The following SPOCK1 variants were observed in gnomAD, a reference collection of about 807,000 sequenced individuals.
The protein encoded by SPOCK1 is SPARC (osteonectin), cwcv and kazal like domains proteoglycan 1.
SPOCK1 carries 23 observed loss-of-function variants against 55.3 expected under a neutral mutation model. That is an observed-to-expected ratio of 0.42 (90% CI 0.30 to 0.59). The LOEUF (loss-of-function observed/expected upper bound fraction) is 0.59. Ranked by LOEUF, SPOCK1 falls within the 20% of genes least tolerant of loss-of-function variation. The pLI, the probability that SPOCK1 is intolerant of heterozygous loss-of-function variation, is 0.22. For missense variants in SPOCK1, 499 were observed against 552.5 expected (o/e 0.90, Z 0.97); for synonymous variants, 226 against 221.0 (o/e 1.02, Z -0.20).
Position 137,498,111 on chromosome 5 carries a change from C to T in SPOCK1, c.186+262G>A, listed in dbSNP as rs191617859. ...GCTGTATTTTAGTGCAGTCACCTCC[C>T]GCAGCCCTACGAATACACACACCTG... On this transcript the variant is annotated intron_variant, in intron 2 of 10. Transcript: ENST00000394945. Among the ~76,000 whole-genome samples the T allele has an allele frequency of 2.6e-4, 39 of 152,260 alleles. 1 individual carries two copies. In the East Asian group the frequency reaches 5.0e-3, roughly 20 times the overall value.
chr5:137,424,969 G>A (rs1192562893), intron 2 of SPOCK1, among the ~76,000 whole-genome samples: 1 of 152,202 alleles, frequency 6.6e-6, no homozygotes. Context: ...TTGCATATAA[G>A]TTATTCCTCA....
At chr5:136,999,381 C>T (rs953090878) in intron 6 of SPOCK1, among the ~76,000 whole-genome samples, 1 of 152,150 alleles carries the variant, frequency 6.6e-6, no homozygotes, top group African/African-American at 2.4e-5. Flanking sequence ...CCCGGGACCC[C>T]ATTGTCCCCT....
chr5:137,130,555 A>G (rs1753854318), intron 4 of SPOCK1, among the ~76,000 whole-genome samples: 3 of 152,364 alleles, frequency 2.0e-5, no homozygotes, highest in Middle Eastern at 6.8e-3. Flanking sequence ...CACCATATTC[A>G]GAGATGGCCT....
intron 1 of SPOCK1, 57 bp from the exon 2 acceptor site, chr5:137,498,615 G>T: frequency 1.6e-6 from 2 of 1,240,010 alleles, no homozygotes; most frequent in Non-Finnish European, 2.0e-6. Context: ...CGCGAGCCCC[G>T]GGCACCCAGG....
chr5:137,372,082 T>C (rs111258885), intron 2 of SPOCK1, among the ~76,000 whole-genome samples: 6 of 152,220 alleles, frequency 3.9e-5, no homozygotes, highest in Non-Finnish European at 8.8e-5. Context: ...TGATCTTTCA[T>C]CCTAAGGCAT....
intron 2 of SPOCK1, among the ~76,000 whole-genome samples, chr5:137,322,059 G>C (rs1216028031): frequency 2.6e-5 from 4 of 152,050 alleles, no homozygotes; most frequent in African/African-American, 9.7e-5. Context: ...AAAAAACACT[G>C]GTCAGCAACA....
At chr5:137,245,787 CAAAAA>C (rs33935068) in intron 3 of SPOCK1, among the ~76,000 whole-genome samples, 27 of 111,598 alleles carry the variant, frequency 2.4e-4, no homozygotes, top group Non-Finnish European at 5.2e-4. Flanking sequence ...AAAAAAAAAA[CAAAAA>C]AAAAAACTGT....
chr5:137,305,659 G>T (rs115537036), intron 2 of SPOCK1, among the ~76,000 whole-genome samples: 93 of 152,230 alleles, frequency 6.1e-4, no homozygotes, highest in African/African-American at 2.2e-3. Flanking sequence ...TATGATCTCC[G>T]CTGTAAAAAC....
At position 136,978,630 on chromosome 5, in the gene SPOCK1, C is replaced by T. The variant is rs1561568614; in HGVS notation, c.*24G>A. 2 of 1,568,788 alleles carry T rather than the reference C, an allele frequency of 1.3e-6. No individual in the cohort carries two copies. The highest frequency in any genetic ancestry group is 1.9e-5 in the Admixed American group (1 of 51,856). On this transcript the variant is annotated 3_prime_UTR_variant, in exon 11 of 11. Transcript: ENST00000394945. ...AAGTGACTTGCAATTTTGTGCAAAA[C>T]TTGTGTCCTCTTTCTTGTGGGCACT...
At chr5:136,992,814 C>G (rs1413480997) in intron 6 of SPOCK1, 2 of 454,776 alleles carry the variant, frequency 4.4e-6, no homozygotes, top group Admixed American at 8.0e-5. Context: ...AGCCTTTGTT[C>G]AGAACTTGAA....
chr5:137,108,150 G>T (rs1753401544), intron 5 of SPOCK1, among the ~76,000 whole-genome samples: 1 of 152,110 alleles, frequency 6.6e-6, no homozygotes, highest in Admixed American at 6.5e-5. Context: ...TCTCCAACAG[G>T]TTTGTCTCTG....
At chr5:137,240,810 T>C (rs529048268) in intron 3 of SPOCK1, among the ~76,000 whole-genome samples, 1 of 152,322 alleles carries the variant, frequency 6.6e-6, no homozygotes, top group African/African-American at 2.4e-5. Flanking sequence ...TCAGACAGTA[T>C]AACATTATCG....
At chr5:137,132,781 C>T (rs993149776) in intron 4 of SPOCK1, among the ~76,000 whole-genome samples, 2 of 152,108 alleles carry the variant, frequency 1.3e-5, no homozygotes, top group Non-Finnish European at 2.9e-5. Context: ...CCTCTGGAAG[C>T]GCTTTTTTTG....
At chr5:137,272,314 C>T (rs967671214) in intron 2 of SPOCK1, among the ~76,000 whole-genome samples, 1 of 152,034 alleles carries the variant, frequency 6.6e-6, no homozygotes, top group Non-Finnish European at 1.5e-5. Flanking sequence ...GAAATGTCCC[C>T]GAAATGATAA....
intron 2 of SPOCK1, among the ~76,000 whole-genome samples, chr5:137,301,575 T>G (rs1477055956): frequency 6.6e-6 from 1 of 151,280 alleles, no homozygotes; most frequent in Non-Finnish European, 1.5e-5. Context: ...TTCTAGGGTA[T>G]GAACTCCGGT....
chr5:137,473,692 G>A (rs529387440), intron 2 of SPOCK1, among the ~76,000 whole-genome samples: 1 of 152,214 alleles, frequency 6.6e-6, no homozygotes, highest in East Asian at 1.9e-4. Flanking sequence ...TTAAAAATAA[G>A]AATTTGTCCA....
chr5:137,320,332 C>T (rs2127146460), intron 2 of SPOCK1, among the ~76,000 whole-genome samples: 1 of 152,290 alleles, frequency 6.6e-6, no homozygotes, highest in Middle Eastern at 3.4e-3. Flanking sequence ...AGCTCAGAAG[C>T]TTGTGGCAGC....
rs1364480634 is a variant in SPOCK1, at chr5:137,244,441, C to A, written c.232+22569G>T. The stretch of plus-strand genomic sequence containing the variant: ...TAACAGAATTTGAAGGGGGAAAAAA[C>A]CATTTTTGAGGCAACTAAAAAGAAA... On this transcript the variant is annotated intron_variant, in intron 3 of 10. Coordinates refer to ENST00000394945, the MANE Select transcript of SPOCK1 (RefSeq NM_004598.4). Among the ~76,000 whole-genome samples the A allele has an allele frequency of 9.9e-5, 15 of 152,112 alleles. No individual in the cohort carries two copies. In the East Asian group the frequency reaches 2.7e-3, roughly 27 times the overall value.
chr5:137,483,099 G>A (rs1009611804), intron 2 of SPOCK1, among the ~76,000 whole-genome samples: 2 of 152,204 alleles, frequency 1.3e-5, no homozygotes, highest in African/African-American at 2.4e-5. Context: ...TTGGAAGGCC[G>A]AGGCGGGTGG....
Sources: allele counts gnomAD v4.1 joint callset (sites outside exome capture counted in the v4.1 genomes callset), GRCh38; gene constraint gnomAD v4.1.1; transcripts MANE v1.5; gene names NCBI Gene and HGNC (gene_info 2026-07-23, HGNC 2026-07-21).